PRELID3A: variants seen among roughly 807,000 people sequenced by gnomAD.
PRELID3A encodes PRELI domain containing 3A.
A neutral mutation model predicts 23.0 loss-of-function variants in PRELID3A; 27 were observed. The ratio of observed to expected loss-of-function variants is 1.17; its 90% confidence interval spans 0.87 to 1.62. The LOEUF is 1.62. Ranked by LOEUF, PRELID3A falls within the 40% of genes most tolerant of loss-of-function variation. The pLI is 0.00. For synonymous variants in PRELID3A, 87 were observed against 86.4 expected, an observed-to-expected ratio of 1.01 and a Z score of -0.04; for missense variants, 231 against 231.4, an observed-to-expected ratio of 1.00 and a Z score of 0.01.
chr18:12,416,925 A>G (rs1257808352), intron 1 of PRELID3A, among the ~76,000 whole-genome samples: 4 of 152,198 alleles, frequency 2.6e-5, no homozygotes, highest in East Asian at 3.9e-4. Flanking sequence ...GATTACAGGC[A>G]CAAACTACAG....
chr18:12,421,605 G>T lies in PRELID3A; in HGVS notation c.267G>T (p.Lys89Asn), dbSNP rs1442396011. ...REHSVVDPVE[K>N]KMELCSTNIT... ...ATTCTGTGGTGGATCCAGTGGAAAA[G>T]AAAATGGAACTTTGTTCTACCAATG... is the stretch of plus-strand genomic sequence containing the variant. Residue 89 changes from lysine to asparagine, a missense_variant, in exon 3 of 7, where the codon AAG becomes AAT. Lys to Asn is a moderately conservative substitution (Grantham distance 94). Transcript: ENST00000440960. 6.2e-7 allele frequency: 1 copy of T among 1,613,310 alleles called. No individual in the cohort carries two copies. The highest frequency in any genetic ancestry group is 8.5e-7 in the Non-Finnish European group (1 of 1,179,326).
chr18:12,412,077 C>A (rs889811885), intron 1 of PRELID3A, among the ~76,000 whole-genome samples: 3 of 151,624 alleles, frequency 2.0e-5, no homozygotes, highest in Non-Finnish European at 2.9e-5. Context: ...CGCCTGACTA[C>A]TTTTTTGTAT....
At chr18:12,425,658 G>A (rs928979370) in intron 3 of PRELID3A, among the ~76,000 whole-genome samples, 2 of 150,634 alleles carry the variant, frequency 1.3e-5, no homozygotes, top group African/African-American at 4.9e-5. Context: ...AGAAAATATA[G>A]GCCGGGCCCA....
intron 6 of PRELID3A, 41 bp downstream of exon 6, chr18:12,429,477 C>A: frequency 7.5e-7 from 1 of 1,337,772 alleles, no homozygotes; most frequent in Non-Finnish European, 1.1e-6. Context: ...TACTTGCAGC[C>A]TCTTGTGACC....
intron 3 of PRELID3A, among the ~76,000 whole-genome samples, chr18:12,426,348 A>C (rs1450237843): frequency 6.6e-6 from 1 of 151,156 alleles, no homozygotes; most frequent in Non-Finnish European, 1.5e-5. Context: ...AGGTCAGGAG[A>C]TCGAGACCAT....
At chr18:12,421,827 G>A (rs1034232916) in intron 3 of PRELID3A, among the ~76,000 whole-genome samples, 198 bp downstream of exon 3, 19 of 152,152 alleles carry the variant, frequency 1.2e-4, no homozygotes, top group Non-Finnish European at 2.6e-4. Context: ...ATGATGAATT[G>A]TCACAAAGAA....
chr18:12,410,538 C>G (rs1283664566), intron 1 of PRELID3A, among the ~76,000 whole-genome samples: 1 of 152,142 alleles, frequency 6.6e-6, no homozygotes, highest in Admixed American at 6.5e-5. Context: ...AGTCTGGCTT[C>G]CTGGCTGGAC....
At chr18:12,426,586 GAGTT>G (rs1178644241) in intron 3 of PRELID3A, among the ~76,000 whole-genome samples, 2 of 113,140 alleles carry the variant, frequency 1.8e-5, no homozygotes, top group African/African-American at 6.2e-5. Flanking sequence ...TGTACATAAG[GAGTT>G]AGTCTGTTTA....
At chr18:12,418,820 C>T (rs778843635) in intron 1 of PRELID3A, among the ~76,000 whole-genome samples, 3 of 152,122 alleles carry the variant, frequency 2.0e-5, no homozygotes, top group Non-Finnish European at 4.4e-5. Flanking sequence ...TCTGACCCTG[C>T]AGGTTTCAGG....
chr18:12,408,233 C>T (rs987744818), intron 1 of PRELID3A, among the ~76,000 whole-genome samples: 2 of 151,852 alleles, frequency 1.3e-5, no homozygotes, highest in South Asian at 2.1e-4. Context: ...CGGCCTCTCC[C>T]CCGGCGTGCG....
intron 6 of PRELID3A, among the ~76,000 whole-genome samples, chr18:12,430,258 C>A (rs572129773): frequency 6.6e-6 from 1 of 152,246 alleles, no homozygotes; most frequent in East Asian, 1.9e-4. Context: ...TGCCTGGCAT[C>A]CTGTATCTGT....
chr18:12,418,801 A>C (rs753637014), intron 1 of PRELID3A, among the ~76,000 whole-genome samples: 12 of 152,270 alleles, frequency 7.9e-5, no homozygotes, highest in Middle Eastern at 3.4e-3. Context: ...GGCTCCCTTC[A>C]GACGTGTGTC....
chr18:12,416,448 A>G (rs1255948994), intron 1 of PRELID3A, among the ~76,000 whole-genome samples: 3 of 151,912 alleles, frequency 2.0e-5, no homozygotes. Context: ...CCAAATAGCT[A>G]GTACCACAGG....
intron 1 of PRELID3A, among the ~76,000 whole-genome samples, chr18:12,419,122 G>C (rs2030053962): frequency 6.6e-6 from 1 of 151,530 alleles, no homozygotes; most frequent in Non-Finnish European, 1.5e-5. Context: ...AGCAGTTTGA[G>C]ACAAGCCTGG....
chr18:12,409,498 T>C (rs761621372), intron 1 of PRELID3A, among the ~76,000 whole-genome samples: 1 of 152,186 alleles, frequency 6.6e-6, no homozygotes, highest in Non-Finnish European at 1.5e-5. Context: ...ATAATAAAAA[T>C]ATATCAAGTG....
At chr18:12,417,149 C>A (rs542114737) in intron 1 of PRELID3A, among the ~76,000 whole-genome samples, 1 of 152,236 alleles carries the variant, frequency 6.6e-6, no homozygotes, top group Non-Finnish European at 1.5e-5. Context: ...TTTAAATCAT[C>A]AGCCAGAAAG....
chr18:12,414,916 G>T (rs1469214334), intron 1 of PRELID3A, among the ~76,000 whole-genome samples: 1 of 152,024 alleles, frequency 6.6e-6, no homozygotes, highest in Non-Finnish European at 1.5e-5. Flanking sequence ...CTTGTTTTTG[G>T]CTGCCTACAT....
intron 1 of PRELID3A, among the ~76,000 whole-genome samples, chr18:12,410,107 GTGTC>G (rs2143314616): frequency 6.6e-6 from 1 of 152,346 alleles, no homozygotes; most frequent in South Asian, 2.1e-4. Flanking sequence ...GGGGTGTTTT[GTGTC>G]TGTCTGCTTT....
intron 6 of PRELID3A, among the ~76,000 whole-genome samples, chr18:12,430,199 G>A (rs3760554): frequency 0.52 from 78,362 of 152,026 alleles, 20,418 homozygotes; most frequent in Middle Eastern, 0.72. Context: ...CATGGGCCTC[G>A]CCTCCTTCAT....
Sources: gnomAD v4.1 joint callset for allele counts (sites outside exome capture counted in the v4.1 genomes callset) on GRCh38, gnomAD v4.1.1 for gene constraint, MANE v1.5 for transcripts, NCBI Gene and HGNC (gene_info 2026-07-23, HGNC 2026-07-21) for gene names.